PDE4D: variants seen among roughly 807,000 people sequenced by gnomAD.
PDE4D encodes phosphodiesterase 4D.
PDE4D carries 24 observed loss-of-function variants against 87.4 expected under a neutral mutation model. The observed-to-expected ratio is 0.27, with a 90% confidence interval of 0.20 to 0.39. The LOEUF is 0.39. PDE4D is among the 10% of genes least tolerant of loss of function. PDE4D has a pLI of 1.00. For missense variants in PDE4D, 714 were observed against 1,041.0 expected (o/e 0.69, Z 4.32); for synonymous variants, 384 against 383.2 (o/e 1.00, Z -0.02).
At chr5:59,053,223 C>T (rs181770834) in intron 5 of PDE4D, among the ~76,000 whole-genome samples, 54 of 152,130 alleles carry the variant, frequency 3.5e-4, no homozygotes, top group Non-Finnish European at 7.2e-4. Context: ...CTGGATAGGT[C>T]TTGCCATGCC....
At chr5:60,344,238 C>T (rs894158781) in intron 1 of PDE4D, among the ~76,000 whole-genome samples, 1 of 152,124 alleles carries the variant, frequency 6.6e-6, no homozygotes, top group Non-Finnish European at 1.5e-5. Flanking sequence ...TATCTTGCTG[C>T]CAATCCTTCT....
intron 1 of PDE4D, among the ~76,000 whole-genome samples, chr5:59,246,110 C>T (rs1483972182): frequency 6.6e-6 from 1 of 151,702 alleles, no homozygotes; most frequent in Admixed American, 6.6e-5. Flanking sequence ...TTTATTTTTC[C>T]TGATGAGTTT....
In PDE4D at chr5:60,137,968, G is replaced by A. The variant is rs1232950289; in HGVS notation, c.42+47589C>T. Among the ~76,000 whole-genome samples, 5 of 152,216 alleles carry A rather than the reference G, an allele frequency of 3.3e-5. No homozygotes were observed. In the East Asian group the frequency reaches 5.8e-4, roughly 18 times the overall value. ...CCTTGAGTTTATTTTTGTATATGGTGTAAGGAAGGGGTCCAGTTTCAGTTT... is the reference window on the plus strand; with the variant it reads ...CCTTGAGTTTATTTTTGTATATGGTATAAGGAAGGGGTCCAGTTTCAGTTT... On this transcript the variant is annotated intron_variant, in intron 2 of 16. Transcript: ENST00000502484.
chr5:59,552,998 A>G (rs1015875328), intron 1 of PDE4D, among the ~76,000 whole-genome samples: 2 of 152,234 alleles, frequency 1.3e-5, no homozygotes, highest in Non-Finnish European at 2.9e-5. Flanking sequence ...AAGTTTGGAA[A>G]CATTTTCTCA....
intron 1 of PDE4D, among the ~76,000 whole-genome samples, chr5:60,417,652 G>C (rs1742724086): frequency 6.6e-6 from 1 of 152,132 alleles, no homozygotes; most frequent in Admixed American, 6.5e-5. Flanking sequence ...GGGAGGATGG[G>C]GCTTGGGGGC....
At position 60,279,001 on chromosome 5, in the gene PDE4D, C is replaced by T. The variant is rs1019442843; in HGVS notation, c.-89-93314G>A. 1.3e-5 allele frequency among the ~76,000 whole-genome samples: 2 copies of T among 152,092 alleles called. 1 individual carries two copies. On this transcript the variant is annotated intron_variant, in intron 1 of 16. Coordinates refer to the PDE4D transcript ENST00000502484. ...CATTTTTAAATTATGTTAAGAGATG[C>T]CATTTCTTATTTAAATCTTCTGTTT...
At chr5:59,472,776 G>C (rs1185215916) in intron 1 of PDE4D, among the ~76,000 whole-genome samples, 3 of 151,992 alleles carry the variant, frequency 2.0e-5, no homozygotes, top group Non-Finnish European at 4.4e-5. Context: ...CCTAATTAAA[G>C]AGCTAATATT....
At chr5:59,062,347 T>C (rs1194179741) in intron 5 of PDE4D, among the ~76,000 whole-genome samples, 4 of 152,132 alleles carry the variant, frequency 2.6e-5, no homozygotes, top group Admixed American at 6.6e-5. Context: ...ATTCAAAATG[T>C]TACTGATGTG....
chr5:59,990,834 C>A (rs756723346), intron 2 of PDE4D, among the ~76,000 whole-genome samples: 2 of 152,110 alleles, frequency 1.3e-5, no homozygotes, highest in Non-Finnish European at 2.9e-5. Context: ...TCTTACTTCG[C>A]CTGGGACCTT....
intron 2 of PDE4D, among the ~76,000 whole-genome samples, chr5:60,047,308 CA>C (rs1315620391): frequency 6.7e-6 from 1 of 148,640 alleles, no homozygotes; most frequent in Non-Finnish European, 1.5e-5. Flanking sequence ...TTGATCCTTT[CA>C]AAAAACCAGC....
At chr5:58,999,640 C>T in intron 6 of PDE4D, 1 of 1,166,004 alleles carries the variant, frequency 8.6e-7, no homozygotes, top group East Asian at 4.2e-5. Flanking sequence ...CCACAAGCCA[C>T]GCAGAGTATG....
At chr5:59,825,179 G>A (rs1174000208) in intron 1 of PDE4D, among the ~76,000 whole-genome samples, 1 of 152,114 alleles carries the variant, frequency 6.6e-6, no homozygotes, top group African/African-American at 2.4e-5. Context: ...TTTCACATGT[G>A]ATACATTGGA....
At chr5:59,174,871 A>G (rs1167592175) in intron 5 of PDE4D, among the ~76,000 whole-genome samples, 1 of 152,158 alleles carries the variant, frequency 6.6e-6, no homozygotes, top group East Asian at 1.9e-4. Context: ...TTTCATCTTT[A>G]AAATAAAGAT....
chr5:59,095,001 A>G (rs568457783), intron 5 of PDE4D, among the ~76,000 whole-genome samples: 3 of 149,116 alleles, frequency 2.0e-5, no homozygotes, highest in East Asian at 2.0e-4. Context: ...ATGTTTCTGG[A>G]AAAAAAAAAG....
chr5:59,438,352 A>G (rs1797089009), intron 1 of PDE4D, among the ~76,000 whole-genome samples: 1 of 152,286 alleles, frequency 6.6e-6, no homozygotes, highest in South Asian at 2.1e-4. Flanking sequence ...ATTCTGAACC[A>G]CAAGATAGGA....
At chr5:59,273,469 G>C (rs562112678) in intron 1 of PDE4D, among the ~76,000 whole-genome samples, 20 of 152,070 alleles carry the variant, frequency 1.3e-4, no homozygotes, top group African/African-American at 4.3e-4. Flanking sequence ...TTGACTGATA[G>C]ACGGATAATA....
At chr5:59,336,297 T>C (rs970570240) in intron 1 of PDE4D, among the ~76,000 whole-genome samples, 1 of 152,224 alleles carries the variant, frequency 6.6e-6, no homozygotes, top group Non-Finnish European at 1.5e-5. Flanking sequence ...AAAGTGATCC[T>C]CAAAGGGAAA....
chr5:59,306,272 T>A (rs1771339028), intron 1 of PDE4D, among the ~76,000 whole-genome samples: 1 of 152,192 alleles, frequency 6.6e-6, no homozygotes, highest in African/African-American at 2.4e-5. Context: ...TTTAAGTTTA[T>A]GTTGGTCCTT....
chr5:59,912,790 A>G (rs1406113644), intron 3 of PDE4D, among the ~76,000 whole-genome samples: 2 of 152,178 alleles, frequency 1.3e-5, no homozygotes, highest in Non-Finnish European at 2.9e-5. Flanking sequence ...CAAGGCTGCT[A>G]CCCTCTGTAT....
Sources: gnomAD v4.1 joint callset for allele counts (sites outside exome capture counted in the v4.1 genomes callset) on GRCh38, gnomAD v4.1.1 for gene constraint, MANE v1.5 for transcripts, NCBI Gene and HGNC (gene_info 2026-07-23, HGNC 2026-07-21) for gene names.